The following SETD5 variants were observed in gnomAD, a reference collection of about 807,000 sequenced individuals.
SETD5 encodes the protein SET domain containing 5.
A neutral mutation model predicts 153.3 loss-of-function variants in SETD5; 44 were observed. The observed-to-expected ratio is 0.29, with a 90% CI of 0.23 to 0.37. SETD5 has a LOEUF of 0.37. Ranked by LOEUF, SETD5 falls within the 10% of genes least tolerant of loss-of-function variation. SETD5 has a pLI of 1.00. For synonymous variants in SETD5, 716 were observed against 645.2 expected (o/e 1.11, Z -1.66); for missense variants, 1,544 against 1,768.0 (o/e 0.87, Z 2.27).
chr3:9,444,819 G>A lies in SETD5; in HGVS notation c.1188-229G>A, dbSNP rs6803966. 0.072 allele frequency among the ~76,000 whole-genome samples: 10,935 copies of A among 152,040 alleles called. 584 individuals are homozygous for A. The highest frequency in any genetic ancestry group is 0.13 in the African/African-American group (5,249 of 41,452). On this transcript the variant is annotated intron_variant, in intron 11 of 22. Coordinates refer to ENST00000402198, the MANE Select transcript of SETD5 (RefSeq NM_001080517.3). ...TTGAGCCCAGGAAACAGAGATTACC[G>A]AGAGCTGTGATGCACCACTGCACTC... is the stretch of plus-strand genomic sequence containing the variant.
At chr3:9,460,899 G>A (rs1266278061) in intron 17 of SETD5, among the ~76,000 whole-genome samples, 1 of 152,054 alleles carries the variant, frequency 6.6e-6, no homozygotes, top group African/African-American at 2.4e-5. Flanking sequence ...AAATAGGCTG[G>A]CATTTTTACA....
At chr3:9,432,022 T>C (rs1432693846) in intron 3 of SETD5, 1 of 153,776 alleles carries the variant, frequency 6.5e-6, no homozygotes. Context: ...AACTAAATTA[T>C]ACCTTCATTT....
Position 9,434,997 on chromosome 3 carries a change from C to T in SETD5, c.388+115C>T, listed in dbSNP as rs951408033. On this transcript the variant is annotated intron_variant, in intron 6 of 22. Coordinates refer to ENST00000402198, the MANE Select transcript of SETD5 (RefSeq NM_001080517.3). The surrounding 1 kb of genome is among the most constrained non-coding windows in gnomAD (Gnocchi z 5.6). ...CAGTGGCTTACGCCTGTAATCTCAC[C>T]ACTTAGGGAGGCCAAAGCGGGCGGA... 58 of 1,239,604 alleles carry T rather than the reference C, an allele frequency of 4.7e-5. No homozygotes were observed. The African/African-American group carries it at 8.6e-4, about 18-fold the overall frequency. 76.8% of individuals were successfully genotyped at this position (1,239,604 alleles called of 1,614,324 possible). A position where few individuals can be genotyped will look rare whatever the true frequency, so the allele number is the denominator to read the frequency against.
chr3:9,446,574 T>A (rs533663379), intron 13 of SETD5, among the ~76,000 whole-genome samples: 1 of 151,628 alleles, frequency 6.6e-6, no homozygotes, highest in East Asian at 2.0e-4. Flanking sequence ...CTCACCACAA[T>A]CTCTGCCTCC....
At chr3:9,467,880 A>G (rs1433884707) in intron 18 of SETD5, among the ~76,000 whole-genome samples, 2 of 151,974 alleles carry the variant, frequency 1.3e-5, no homozygotes, top group African/African-American at 4.8e-5. Context: ...ATTTTACAAA[A>G]TAACATTAAT....
intron 16 of SETD5, among the ~76,000 whole-genome samples, chr3:9,452,286 GAAAAACTTAAAGGTGGCCATAAC>G (rs2042706503): frequency 6.6e-6 from 1 of 152,138 alleles, no homozygotes. Flanking sequence ...GCTTTGAAAA[GAAAAACTTAAAGGTGGCCATAAC>G]AAAAGATTTT....
chr3:9,401,332 T>G (rs948835475), intron 1 of SETD5, among the ~76,000 whole-genome samples: 7 of 152,264 alleles, frequency 4.6e-5, no homozygotes, highest in African/African-American at 1.7e-4. Context: ...TGGCTTAAGT[T>G]GCTATATAAA....
intron 1 of SETD5, among the ~76,000 whole-genome samples, chr3:9,415,879 T>A (rs2037344477): frequency 6.8e-6 from 1 of 146,124 alleles, no homozygotes. Context: ...CTGTTGAACT[T>A]TTTTTTTTTT....
chr3:9,465,642 A>G (rs1428790729), intron 18 of SETD5, among the ~76,000 whole-genome samples: 4 of 152,222 alleles, frequency 2.6e-5, no homozygotes, highest in African/African-American at 9.6e-5. Flanking sequence ...ATGAGTAACT[A>G]AGAGGCAGCT....
chr3:9,444,961 GTACTGATATT>G, intron 11 of SETD5, 77 bp from the exon 12 acceptor site: 4 of 1,486,668 alleles, frequency 2.7e-6, no homozygotes, highest in Non-Finnish European at 3.6e-6. Context: ...GGAAGTTACT[GTACTGATATT>G]TTAAGAGGGT....
intron 2 of SETD5, among the ~76,000 whole-genome samples, 159 bp downstream of exon 2, chr3:9,424,685 G>A (rs190356397): frequency 8.7e-4 from 133 of 152,310 alleles, no homozygotes; most frequent in African/African-American, 3.0e-3. Context: ...TGAAACTACA[G>A]CAGTGGATAA....
intron 2 of SETD5, among the ~76,000 whole-genome samples, 162 bp from the exon 3 acceptor site, chr3:9,428,661 A>G (rs1238146685): frequency 6.6e-6 from 1 of 152,250 alleles, no homozygotes; most frequent in African/African-American, 2.4e-5. Context: ...AATGAAATGC[A>G]TAGTAAACAT....
rs748322134 is a variant in SETD5, at chr3:9,447,980, G to A, written c.2077G>A (p.Ala693Thr). 8.1e-6 allele frequency: 13 copies of A among 1,613,130 alleles called. No individual in the cohort carries two copies. The highest frequency in any genetic ancestry group is 1.1e-5 in the Non-Finnish European group (13 of 1,179,352). ...SITGSHVNRAASKYPKTKKYL... is the reference protein window; with the variant it reads ...SITGSHVNRATSKYPKTKKYL... The stretch of plus-strand genomic sequence containing the variant: ...TACTGGATCCCATGTCAACCGTGCT[G>A]CATCTAAATACCCCAAAACCAAAAA... Residue 693 changes from alanine (A) to threonine (T), a missense_variant, in exon 15 of 23, where the codon GCA becomes ACA. Physicochemically the swap from Ala to Thr is moderately conservative, Grantham distance 58. Coordinates refer to ENST00000402198, the MANE Select transcript of SETD5 (RefSeq NM_001080517.3).
chr3:9,421,558 ATATAAT>A (rs1353896412), intron 1 of SETD5, among the ~76,000 whole-genome samples: 1 of 152,230 alleles, frequency 6.6e-6, no homozygotes, highest in Non-Finnish European at 1.5e-5. Flanking sequence ...GAAGATAAGT[ATATAAT>A]GCAGCTGCCA....
At position 9,447,937 on chromosome 3, in the gene SETD5, C is replaced by G. The variant is rs145375575; in HGVS notation, c.2034C>G (p.Asp678Glu). ...SGENRPLTGS[D>E]PTVVSITGSH... ...AAAACAGGCCATTAACAGGGTCTGACCCAACTGTGGTGTCAATTACTGGAT... is the reference window on the plus strand; with the variant it reads ...AAAACAGGCCATTAACAGGGTCTGAGCCAACTGTGGTGTCAATTACTGGAT... Residue 678 changes from aspartate to glutamate, a missense_variant, in exon 15 of 23, where the codon GAC becomes GAG. Physicochemically the swap from Asp to Glu is conservative, Grantham distance 45. Transcript: ENST00000402198. 5.6e-6 allele frequency: 9 copies of G among 1,613,918 alleles called. No homozygotes were observed. The East Asian group carries it at 2.0e-4, about 36-fold the overall frequency.
At chr3:9,453,187 G>T (rs1351839292) in intron 16 of SETD5, among the ~76,000 whole-genome samples, 1 of 152,096 alleles carries the variant, frequency 6.6e-6, no homozygotes, top group Non-Finnish European at 1.5e-5. Context: ...TGTTGGAGGG[G>T]GGAGTCCCAT....
In SETD5 at chr3:9,440,604, C is replaced by G. The variant is rs375003888; in HGVS notation, c.716C>G (p.Ser239Cys). Residue 239 changes from serine to cysteine, a missense_variant, in exon 8 of 23, where the codon TCT becomes TGT. Coordinates refer to ENST00000402198, the MANE Select transcript of SETD5 (RefSeq NM_001080517.3). ...VQNALEQHLH[S>C]SKEFVGKPTI... is the part of the protein sequence containing the mutation. Reference sequence around the variant, plus strand: ...AACGCGCTTGAACAACACCTACATTCTAGCAAGGAATTTGTGGGCAAACCT... The same window carrying G: ...AACGCGCTTGAACAACACCTACATTGTAGCAAGGAATTTGTGGGCAAACCT... The G allele has an allele frequency of 1.9e-6, 3 of 1,613,918 alleles. No individual in the cohort carries two copies. Among genetic ancestry groups the G allele is most frequent in the Non-Finnish European group, 2.5e-6 (3 of 1,179,852 alleles).
intron 8 of SETD5, among the ~76,000 whole-genome samples, chr3:9,441,067 G>C (rs1262953196): frequency 1.3e-5 from 2 of 151,900 alleles, no homozygotes; most frequent in Non-Finnish European, 2.9e-5. Flanking sequence ...AAAATTAAAA[G>C]CCGTTGTGAT....
In SETD5 at chr3:9,403,304, C is replaced by G. The variant is rs2035117770; in HGVS notation, c.-177+5327C>G. The stretch of plus-strand genomic sequence containing the variant: ...GTATAGGTTAAAATAAAATAAATCC[C>G]ACACTCTGCACCCTCCTAGGTGCAA... On this transcript the variant is annotated intron_variant, in intron 1 of 22. Transcript: ENST00000402198. Among the ~76,000 whole-genome samples, 4 of 152,036 alleles carry G rather than the reference C, an allele frequency of 2.6e-5. No homozygotes were observed. In the South Asian group the frequency reaches 8.3e-4, roughly 32 times the overall value.
Sources: gnomAD v4.1 joint callset for allele counts (sites outside exome capture counted in the v4.1 genomes callset) on GRCh38, gnomAD v4.1.1 for gene constraint, Gnocchi (gnomAD v3.1) non-coding constraint, MANE v1.5 for transcripts, NCBI Gene and HGNC (gene_info 2026-07-23, HGNC 2026-07-21) for gene names.